Variants in TEF observed in about 807,000 individuals in gnomAD.
TEF encodes the protein thyrotroph embryonic factor.
A neutral mutation model predicts 20.8 loss-of-function variants in TEF; 3 were observed. That is an observed-to-expected ratio of 0.14 (90% CI 0.07 to 0.37). The LOEUF (loss-of-function observed/expected upper bound fraction) is 0.37. Ranked by LOEUF, TEF falls within the 10% of genes least tolerant of loss-of-function variation. The probability of loss-of-function intolerance (pLI) is 1.00; values close to 1 mark genes in which losing one functional copy is unlikely to be tolerated. For missense variants in TEF, 296 were observed against 397.9 expected, an observed-to-expected ratio of 0.74 and a Z score of 2.18; for synonymous variants, 180 against 171.1, an observed-to-expected ratio of 1.05 and a Z score of -0.41.
intron 1 of TEF, among the ~76,000 whole-genome samples, chr22:41,382,430 G>A (rs980067510): frequency 6.6e-6 from 1 of 152,034 alleles, no homozygotes; most frequent in African/African-American, 2.4e-5. Flanking sequence ...GAGAGGTTTT[G>A]AGGAGGCGGA....
chr22:41,372,427 G>T (rs948117647), intron 1 of TEF, among the ~76,000 whole-genome samples: 3 of 152,196 alleles, frequency 2.0e-5, no homozygotes, highest in African/African-American at 7.2e-5. Context: ...GGACTGTATT[G>T]TGTGTGCCTA....
In TEF at chr22:41,398,739, C is replaced by T. The variant is rs576207188; in HGVS notation, c.*2779C>T. 2.0e-4 allele frequency: 31 copies of T among 152,166 alleles called. No homozygotes were observed. The highest frequency in any genetic ancestry group is 1.2e-3 in the Admixed American group (19 of 15,288). The allele number at this position is 152,166 out of a possible 1,614,324, so 9.4% of individuals were successfully genotyped here. On this transcript the variant is annotated 3_prime_UTR_variant, in exon 4 of 4. Transcript: ENST00000266304. The stretch of plus-strand genomic sequence containing the variant: ...ACCTTAAGTCTGGGTACATGTAACC[C>T]TGCTGAGGGGCTGTGCAGGCCGCTC...
At chr22:41,369,628 C>T (rs912892511) in intron 1 of TEF, among the ~76,000 whole-genome samples, 4 of 152,176 alleles carry the variant, frequency 2.6e-5, no homozygotes, top group Non-Finnish European at 5.9e-5. Flanking sequence ...TAAACAGAAA[C>T]GTCTACCTGA....
chr22:41,395,813 C>T lies in TEF; in HGVS notation c.765C>T (p.Arg255=), dbSNP rs749392424. 1 of 1,614,182 alleles carries T rather than the reference C, an allele frequency of 6.2e-7. No individual in the cohort carries two copies. The highest frequency in any genetic ancestry group is 2.2e-5 in the East Asian group (1 of 44,882). The change falls in exon 4 of 4, where the codon CGC becomes CGT. Residue 255 remains arginine, a synonymous_variant. Coordinates refer to ENST00000266304, the MANE Select transcript of TEF (RefSeq NM_003216.4). ...CTAAACGGTCACGGGATGCCCGGCG[C>T]CTGAAAGAGAATCAGATCACCATCC... ...VAAKRSRDAR[R]LKENQITIRA... is the part of the protein sequence containing the mutation.
rs537470517 is a variant in TEF at position 41,388,980 on chromosome 22, T to C, written c.475+1312T>C. ...GAAGCAGTTATTTTCAATCAAATTATAAGTATTTCAATATGTATCTAAAAT... is the reference window on the plus strand; with the variant it reads ...GAAGCAGTTATTTTCAATCAAATTACAAGTATTTCAATATGTATCTAAAAT... On this transcript the variant is annotated intron_variant, in intron 2 of 3. Coordinates refer to ENST00000266304, the MANE Select transcript of TEF (RefSeq NM_003216.4). Among the ~76,000 whole-genome samples, 5 of 152,308 alleles carry C rather than the reference T, an allele frequency of 3.3e-5. No homozygotes were observed. In the South Asian group the frequency reaches 8.3e-4, roughly 25 times the overall value.
intron 2 of TEF, among the ~76,000 whole-genome samples, chr22:41,391,405 G>A (rs1012031173): frequency 6.7e-6 from 1 of 148,334 alleles, no homozygotes; most frequent in Admixed American, 6.8e-5. Flanking sequence ...AGCTCGCTGC[G>A]ACCTCTGCCT....
At chr22:41,381,742 G>A (rs539545463), upstream of TEF, among the ~76,000 whole-genome samples, 1 of 151,342 alleles carries the variant, frequency 6.6e-6, no homozygotes, top group South Asian at 2.1e-4. Flanking sequence ...GTCCTCACCT[G>A]GCCCCGCACG....
Position 41,368,687 on chromosome 22 carries a change from C to A in TEF, c.67+1088C>A, listed in dbSNP as rs139818705. ...GGAAGGACGTACTGGGAGCTTAGGG[C>A]AGGGGCTCCGGAGCTCTCGCACGCA... On this transcript the variant is annotated intron_variant, in intron 1 of 3. Transcript: ENST00000406644. 1.7e-3 allele frequency among the ~76,000 whole-genome samples: 255 copies of A among 152,306 alleles called. 3 individuals are homozygous for A. Among genetic ancestry groups the A allele is most frequent in the South Asian group, 3.3e-3 (16 of 4,834 alleles).
At chr22:41,371,966 C>T (rs2036888473) in intron 1 of TEF, among the ~76,000 whole-genome samples, 2 of 151,754 alleles carry the variant, frequency 1.3e-5, no homozygotes, top group African/African-American at 4.8e-5. Flanking sequence ...CTCGGTGCAG[C>T]CTGGGCTCTC....
At chr22:41,383,551 A>G (rs190468621) in intron 1 of TEF, among the ~76,000 whole-genome samples, 3 of 152,186 alleles carry the variant, frequency 2.0e-5, no homozygotes, top group African/African-American at 7.2e-5. Flanking sequence ...CCAGATGAGG[A>G]AAATTGAGGC....
chr22:41,390,750 C>T (rs191212401), intron 2 of TEF, among the ~76,000 whole-genome samples: 19 of 151,868 alleles, frequency 1.3e-4, no homozygotes, highest in African/African-American at 4.1e-4. Context: ...CCACCTGCCT[C>T]GGAAAGTGCT....
rs762427143 is a variant in TEF, at chr22:41,394,106, G to A, written c.486G>A (p.Leu162=). ...SETVSSTESS[L]EKERETPSPI... ...CTCTGTGTCTTTTAGAATCTTCCCT[G>A]GAGAAGGAGAGGGAGACTCCCAGTC... Residue 162 remains leucine, a synonymous_variant, in exon 3 of 4, where the codon CTG becomes CTA. Coordinates refer to ENST00000266304, the MANE Select transcript of TEF (RefSeq NM_003216.4). 10 of 1,613,930 alleles carry A rather than the reference G, an allele frequency of 6.2e-6. No homozygotes were observed. The Admixed American group carries it at 1.5e-4, about 24-fold the overall frequency.
chr22:41,389,170 G>A (rs1473699845), intron 2 of TEF, among the ~76,000 whole-genome samples: 1 of 152,126 alleles, frequency 6.6e-6, no homozygotes, highest in African/African-American at 2.4e-5. Context: ...GGAGGCCGAG[G>A]TGGGTGGATC....
intron 1 of TEF, among the ~76,000 whole-genome samples, chr22:41,373,613 G>A (rs190509526): frequency 2.6e-5 from 4 of 152,068 alleles, no homozygotes; most frequent in Admixed American, 2.6e-4. Context: ...GGGATTATGG[G>A]CGCCCACCAC....
chr22:41,393,562 C>T (rs2037191218), intron 2 of TEF, among the ~76,000 whole-genome samples: 1 of 152,092 alleles, frequency 6.6e-6, no homozygotes, highest in Non-Finnish European at 1.5e-5. Context: ...CAAGACCATC[C>T]TGGCTAACAC....
upstream of TEF, chr22:41,381,923 G>A (rs1007418237): frequency 1.4e-5 from 17 of 1,226,310 alleles, no homozygotes; most frequent in Non-Finnish European, 6.1e-6. Flanking sequence ...AGGAGGCGGG[G>A]GCGCCATTGG....
At chr22:41,393,383 T>G (rs1219846602) in intron 2 of TEF, among the ~76,000 whole-genome samples, 1 of 151,438 alleles carries the variant, frequency 6.6e-6, no homozygotes, top group Non-Finnish European at 1.5e-5. Flanking sequence ...CATTCTTCAG[T>G]CTGTGTCTGC....
At chr22:41,375,416 A>G (rs374319031) in intron 1 of TEF, among the ~76,000 whole-genome samples, 54 of 152,320 alleles carry the variant, frequency 3.5e-4, no homozygotes, top group African/African-American at 1.1e-3. Flanking sequence ...TCCAGGTTCA[A>G]TTGTGAATCA....
At chr22:41,375,485 A>T (rs180934141) in intron 1 of TEF, among the ~76,000 whole-genome samples, 52 of 152,226 alleles carry the variant, frequency 3.4e-4, no homozygotes, top group Middle Eastern at 3.4e-3. Context: ...GCGTGGTGGC[A>T]CACGCCTGTA....
Sources: allele counts gnomAD v4.1 joint callset (sites outside exome capture counted in the v4.1 genomes callset), GRCh38; gene constraint gnomAD v4.1.1; transcripts MANE v1.5; gene names NCBI Gene and HGNC (gene_info 2026-07-23, HGNC 2026-07-21).